The following ERI1 variants were observed in gnomAD, a reference collection of about 807,000 sequenced individuals.
ERI1 encodes 3'-5' exoribonuclease 1.
ERI1 carries 39 observed loss-of-function variants against 39.7 expected under a neutral mutation model. The ratio of observed to expected loss-of-function variants is 0.98; its 90% CI spans 0.76 to 1.28. ERI1 has a LOEUF of 1.28. Ranked by LOEUF, ERI1 falls within the 50% of genes most tolerant of loss-of-function variation. The pLI is 0.00. For missense variants in ERI1, 581 were observed against 416.9 expected, an observed-to-expected ratio of 1.39 and a Z score of -3.43; for synonymous variants, 204 against 149.6, an observed-to-expected ratio of 1.36 and a Z score of -2.65.
intron 6 of ERI1, among the ~76,000 whole-genome samples, chr8:9,028,973 GTTTTTTTTTTT>G (rs34569795): frequency 1.8e-5 from 2 of 113,104 alleles, no homozygotes; most frequent in Admixed American, 9.3e-5. Flanking sequence ...GAGTGTGAGA[GTTTTTTTTTTT>G]TTTTTTTTTT....
intron 3 of ERI1, among the ~76,000 whole-genome samples, chr8:9,052,885 C>T (rs534987277): frequency 3.2e-4 from 49 of 152,248 alleles, no homozygotes; most frequent in African/African-American, 1.1e-3. Context: ...GAGAGGCTGG[C>T]CACACTACAA....
intron 3 of ERI1, among the ~76,000 whole-genome samples, chr8:9,093,024 TGTGA>T (rs1258416927): frequency 1.3e-5 from 2 of 152,212 alleles, no homozygotes; most frequent in African/African-American, 4.8e-5. Flanking sequence ...GCTTTCCCCG[TGTGA>T]GTATGTCTGT....
intron 3 of ERI1, among the ~76,000 whole-genome samples, chr8:9,012,446 T>C (rs907760522): frequency 7.2e-5 from 11 of 152,242 alleles, no homozygotes; most frequent in African/African-American, 2.7e-4. Context: ...TGTGATATCC[T>C]CAGTTGCTAC....
chr8:9,026,098 T>G (rs1006694807), intron 6 of ERI1, among the ~76,000 whole-genome samples: 2 of 152,208 alleles, frequency 1.3e-5, no homozygotes, highest in South Asian at 2.1e-4. Flanking sequence ...GCATGTGTCA[T>G]GTACCTGTGT....
chr8:9,014,197 G>A (rs1012594430), intron 3 of ERI1, among the ~76,000 whole-genome samples: 3 of 152,058 alleles, frequency 2.0e-5, no homozygotes, highest in African/African-American at 7.2e-5. Flanking sequence ...TGACCTGCTT[G>A]CTCATTCTCA....
At position 9,008,094 on chromosome 8, in the gene ERI1, G is replaced by C; in HGVS notation, c.233G>C (p.Arg78Thr). 1 of 1,612,144 alleles carries C rather than the reference G, an allele frequency of 6.2e-7. No individual in the cohort carries two copies. ...GCCATTACGAATGGCTGTATTAATA[G>C]AATGAGTAAGGAAGAACTCAGAGCT... ...EIAITNGCIN[R>T]MSKEELRAKL... The change falls in exon 2 of 7, where the codon AGA becomes ACA. Residue 78 changes from arginine (R) to threonine (T), a missense_variant. Arg to Thr is a moderately conservative substitution (Grantham distance 71). Transcript: ENST00000250263.
intron 3 of ERI1, among the ~76,000 whole-genome samples, chr8:9,045,745 C>T (rs1469540443): frequency 6.7e-6 from 1 of 149,708 alleles, no homozygotes; most frequent in Non-Finnish European, 1.5e-5. Flanking sequence ...GGCACAATCT[C>T]GGCTCACTGC....
At chr8:9,041,311 C>T (rs1020845145) in intron 3 of ERI1, among the ~76,000 whole-genome samples, 1 of 151,976 alleles carries the variant, frequency 6.6e-6, no homozygotes, top group Non-Finnish European at 1.5e-5. Flanking sequence ...TTGTATTCTC[C>T]CAAGAGAGAA....
chr8:9,061,021 C>T (rs1025311518), intron 3 of ERI1, among the ~76,000 whole-genome samples: 1 of 152,150 alleles, frequency 6.6e-6, no homozygotes, highest in Non-Finnish European at 1.5e-5. Context: ...TAAATATTGA[C>T]GCGTAGTCCT....
At position 9,029,957 on chromosome 8, in the gene ERI1, G is replaced by A; in HGVS notation, c.973G>A (p.Gly325Arg). ...CCGAATCAACGAGAAAATGCATGCA[G>A]GACAGCTAATGAGTGTGTCCTCTTC... Reference protein sequence around the residue: ...ELRINEKMHAGQLMSVSSSLP... With the variant: ...ELRINEKMHARQLMSVSSSLP... Residue 325 changes from glycine (G) to arginine (R), a missense_variant, in exon 7 of 7, where the codon GGA becomes AGA. By Grantham distance (125) the Gly-to-Arg change is moderately radical. Coordinates refer to ENST00000250263, the MANE Select transcript of ERI1 (RefSeq NM_153332.4). 6.2e-7 allele frequency: 1 copy of A among 1,614,100 alleles called. No homozygotes were observed. The highest frequency in any genetic ancestry group is 8.5e-7 in the Non-Finnish European group (1 of 1,180,020).
chr8:9,021,734 T>C (rs1266200958), intron 6 of ERI1, among the ~76,000 whole-genome samples: 6 of 151,470 alleles, frequency 4.0e-5, no homozygotes, highest in African/African-American at 1.2e-4. Context: ...TTGAGCACGA[T>C]ATAATTAGTA....
chr8:9,065,826 T>C (rs898751227), intron 3 of ERI1, among the ~76,000 whole-genome samples: 6 of 151,802 alleles, frequency 4.0e-5, no homozygotes, highest in African/African-American at 1.5e-4. Flanking sequence ...GCCTTGGAAG[T>C]TTTGATTCCT....
At chr8:9,082,920 A>G (rs1393636952) in intron 3 of ERI1, among the ~76,000 whole-genome samples, 3 of 152,230 alleles carry the variant, frequency 2.0e-5, no homozygotes, top group African/African-American at 7.2e-5. Flanking sequence ...TTTGTAAGTC[A>G]TAAAAGTAGG....
chr8:9,087,412 A>ATTTT (rs71537860), intron 3 of ERI1, among the ~76,000 whole-genome samples: 5 of 69,838 alleles, frequency 7.2e-5, no homozygotes, highest in Non-Finnish European at 8.3e-5. Context: ...ATATGTGGCT[A>ATTTT]TTTTTTTTTT....
downstream of ERI1, among the ~76,000 whole-genome samples, chr8:9,034,651 C>G (rs1797783319): frequency 6.6e-6 from 1 of 151,946 alleles, no homozygotes; most frequent in Non-Finnish European, 1.5e-5. Flanking sequence ...CCTACCTATT[C>G]CCTGAGACAC....
At chr8:9,024,722 G>T (rs1047894401) in intron 6 of ERI1, among the ~76,000 whole-genome samples, 15 of 152,166 alleles carry the variant, frequency 9.9e-5, no homozygotes, top group Admixed American at 3.3e-4. Flanking sequence ...ACCAGGCCCA[G>T]CCTCTTTATG....
chr8:9,008,092 T>G lies in ERI1; in HGVS notation c.231T>G (p.Asn77Lys). 2 of 1,612,856 alleles carry G rather than the reference T, an allele frequency of 1.2e-6. No individual in the cohort carries two copies. Among genetic ancestry groups the G allele is most frequent in the Non-Finnish European group, 1.7e-6 (2 of 1,179,494 alleles). Residue 77 changes from asparagine (N) to lysine (K), a missense_variant, in exon 2 of 7, where the codon AAT becomes AAG. Asn to Lys is a moderately conservative substitution (Grantham distance 94, BLOSUM62 0). Coordinates refer to ENST00000250263, the MANE Select transcript of ERI1 (RefSeq NM_153332.4). The part of the protein sequence containing the change: ...KEIAITNGCI[N>K]RMSKEELRAK... ...TTGCCATTACGAATGGCTGTATTAA[T>G]AGAATGAGTAAGGAAGAACTCAGAG... is the stretch of plus-strand genomic sequence containing the variant.
chr8:9,092,948 G>A (rs976494926), intron 3 of ERI1, among the ~76,000 whole-genome samples: 1 of 152,162 alleles, frequency 6.6e-6, no homozygotes, highest in African/African-American at 2.4e-5. Context: ...TGGTTTGCTG[G>A]GAGTCTTTGG....
chr8:9,099,049 G>T lies in ERI1; in HGVS notation n.300-17299G>T, dbSNP rs180945717. ...AGGGTTTCACCATTTTGGCCAGGCTGGTCTCGAACTCCTGACCTCAAATGA... is the reference window on the plus strand; with the variant it reads ...AGGGTTTCACCATTTTGGCCAGGCTTGTCTCGAACTCCTGACCTCAAATGA... On this transcript the variant is annotated intron_variant and non_coding_transcript_variant, in intron 3 of 3. Coordinates refer to the ERI1 transcript ENST00000518663. Among the ~76,000 whole-genome samples, 7 of 152,120 alleles carry T rather than the reference G, an allele frequency of 4.6e-5. No individual in the cohort carries two copies. The East Asian group carries it at 1.4e-3, about 29-fold the overall frequency.
Sources: allele counts gnomAD v4.1 joint callset (sites outside exome capture counted in the v4.1 genomes callset), GRCh38; gene constraint gnomAD v4.1.1; transcripts MANE v1.5; gene names NCBI Gene and HGNC (gene_info 2026-07-23, HGNC 2026-07-21).